Variants in GNS observed in about 807,000 individuals in gnomAD.
GNS encodes the protein N-acetylglucosamine-6-sulfatase.
Under a neutral mutation model 69.7 loss-of-function variants are expected in GNS, and 40 were observed. The ratio of observed to expected loss-of-function variants is 0.57; its 90% CI spans 0.45 to 0.75. The LOEUF (loss-of-function observed/expected upper bound fraction) is 0.75, where lower values mean the gene tolerates loss of function less well. Among genes scored for constraint, GNS ranks in the 30% least tolerant of loss-of-function variants. The pLI, the probability that GNS is intolerant of heterozygous loss-of-function variation, is 0.00. For synonymous variants in GNS, 243 were observed against 251.6 expected (o/e 0.97, Z 0.32); for missense variants, 565 against 685.5 (o/e 0.82, Z 1.96).
intron 9 of GNS, among the ~76,000 whole-genome samples, chr12:64,736,633 G>A (rs1252012592): frequency 6.6e-6 from 1 of 152,148 alleles, no homozygotes; most frequent in African/African-American, 2.4e-5. Flanking sequence ...CAGACCAAGT[G>A]AGTCAATCAT....
intron 12 of GNS, among the ~76,000 whole-genome samples, chr12:64,720,767 A>G (rs142442188): frequency 1.0e-3 from 158 of 152,328 alleles, no homozygotes; most frequent in African/African-American, 3.2e-3. Context: ...TTTTCCCTCT[A>G]TAATCTGTAT....
At chr12:64,750,521 CTATTTA>C (rs938827111) in intron 2 of GNS, among the ~76,000 whole-genome samples, 12 of 152,150 alleles carry the variant, frequency 7.9e-5, no homozygotes, top group Non-Finnish European at 1.8e-4. Context: ...TTATTCTCAT[CTATTTA>C]TTATTCCAGA....
chr12:64,749,776 T>C (rs17120546), intron 2 of GNS, among the ~76,000 whole-genome samples: 1,930 of 152,304 alleles, frequency 0.013, 34 homozygotes, highest in African/African-American at 0.043. Flanking sequence ...TAAGTTTAAA[T>C]TGGCAACTCT....
intron 8 of GNS, among the ~76,000 whole-genome samples, chr12:64,738,815 C>A (rs74737029): frequency 1.8e-4 from 15 of 82,350 alleles, no homozygotes; most frequent in East Asian, 6.4e-4. Flanking sequence ...TCTGTCCCCC[C>A]ACCAGCCCCC....
chr12:64,738,826 C>A (rs4991650), intron 8 of GNS, among the ~76,000 whole-genome samples: 90,486 of 150,928 alleles, frequency 0.6, 27,365 homozygotes, highest in East Asian at 0.84. Context: ...ACCAGCCCCC[C>A]AAAAAAATCA....
chr12:64,729,140 A>C, intron 9 of GNS, 83 bp from the exon 10 acceptor site: 1 of 775,108 alleles, frequency 1.3e-6, no homozygotes, highest in East Asian at 2.6e-5. Context: ...TCTTCCCCCC[A>C]CCCCGCCCAT....
At chr12:64,748,609 T>A (rs1191980657) in intron 2 of GNS, among the ~76,000 whole-genome samples, 2 of 152,162 alleles carry the variant, frequency 1.3e-5, no homozygotes, top group Non-Finnish European at 2.9e-5. Context: ...CAGTGGTTCA[T>A]TTGCAGGCTG....
At chr12:64,724,805 G>A (rs1869142707) in intron 10 of GNS, among the ~76,000 whole-genome samples, 1 of 152,182 alleles carries the variant, frequency 6.6e-6, no homozygotes, top group Non-Finnish European at 1.5e-5. Context: ...AGGTTGTGGT[G>A]AGCCGAGATT....
intron 9 of GNS, among the ~76,000 whole-genome samples, chr12:64,732,646 A>G (rs1272594830): frequency 1.3e-5 from 2 of 150,432 alleles, no homozygotes; most frequent in Non-Finnish European, 3.0e-5. Flanking sequence ...ATTTTTTAGT[A>G]GAGACGGGGT....
At chr12:64,755,929 A>G (rs1337614314) in intron 1 of GNS, among the ~76,000 whole-genome samples, 1 of 151,990 alleles carries the variant, frequency 6.6e-6, no homozygotes, top group Non-Finnish European at 1.5e-5. Flanking sequence ...GGCCTCCCAA[A>G]GTGCTAGGAT....
intron 9 of GNS, among the ~76,000 whole-genome samples, chr12:64,736,774 A>G (rs1016765355): frequency 3.3e-5 from 5 of 152,232 alleles, no homozygotes; most frequent in African/African-American, 1.2e-4. Flanking sequence ...AAAGACAAAG[A>G]AAAGCTATGC....
intron 13 of GNS, among the ~76,000 whole-genome samples, chr12:64,717,067 G>A (rs1374123844): frequency 1.3e-5 from 2 of 152,206 alleles, no homozygotes; most frequent in Non-Finnish European, 2.9e-5. Context: ...CTTGAAAGGT[G>A]TCAGAAGGCA....
chr12:64,747,664 C>A, intron 3 of GNS, 48 bp downstream of exon 3: 2 of 996,580 alleles, frequency 2.0e-6, no homozygotes, highest in Non-Finnish European at 3.2e-6. Context: ...GAATTATATT[C>A]ACATTTTAAA....
intron 1 of GNS, among the ~76,000 whole-genome samples, chr12:64,757,132 T>C (rs1276448554): frequency 6.6e-6 from 1 of 152,118 alleles, no homozygotes; most frequent in Non-Finnish European, 1.5e-5. Context: ...TGAGCCTTGA[T>C]TGTACCACTG....
chr12:64,729,324 T>G (rs921194818), intron 9 of GNS: 1 of 419,162 alleles, frequency 2.4e-6, no homozygotes, highest in Non-Finnish European at 4.3e-6. Context: ...GATCAAAATG[T>G]TTTTTGAAAA....
chr12:64,755,352 C>G (rs532369995), intron 1 of GNS, among the ~76,000 whole-genome samples: 1 of 151,962 alleles, frequency 6.6e-6, no homozygotes, highest in Admixed American at 6.6e-5. Context: ...CTGAAGTGGG[C>G]GGATCACTTG....
intron 1 of GNS, among the ~76,000 whole-genome samples, chr12:64,753,818 C>A (rs1300982246): frequency 1.3e-5 from 2 of 152,180 alleles, no homozygotes; most frequent in East Asian, 3.8e-4. Flanking sequence ...CCAGAAGAGG[C>A]TGCCAAGAGA....
chr12:64,740,013 C>A (rs1869681825), intron 7 of GNS, among the ~76,000 whole-genome samples: 1 of 152,198 alleles, frequency 6.6e-6, no homozygotes, highest in Non-Finnish European at 1.5e-5. Context: ...TGGACCACAA[C>A]CATGCTCATT....
chr12:64,755,962 C>T (rs931100177), intron 1 of GNS, among the ~76,000 whole-genome samples: 13 of 152,034 alleles, frequency 8.6e-5, no homozygotes, highest in Non-Finnish European at 1.3e-4. Context: ...CCACCGCGCC[C>T]GGCCATGAAT....
Sources: gnomAD v4.1 joint callset for allele counts (sites outside exome capture counted in the v4.1 genomes callset) on GRCh38, gnomAD v4.1.1 for gene constraint, MANE v1.5 for transcripts, NCBI Gene and HGNC (gene_info 2026-07-23, HGNC 2026-07-21) for gene names.